The following DCC variants were observed in gnomAD, a reference collection of about 807,000 sequenced individuals.
The protein encoded by DCC is DCC netrin 1 receptor, also known as netrin receptor DCC.
A neutral mutation model predicts 172.5 loss-of-function variants in DCC; 58 were observed. That is an observed-to-expected ratio of 0.34 (90% CI 0.27 to 0.42). The LOEUF is 0.42. Ranked by LOEUF, DCC falls within the 10% of genes least tolerant of loss-of-function variation. DCC has a pLI of 1.00. For synonymous variants in DCC, 709 were observed against 644.5 expected (o/e 1.10, Z -1.52); for missense variants, 1,740 against 1,791.0 (o/e 0.97, Z 0.51).
intron 1 of DCC, among the ~76,000 whole-genome samples, chr18:52,349,104 A>G (rs1290397979): frequency 1.3e-5 from 2 of 152,354 alleles, no homozygotes; most frequent in East Asian, 3.9e-4. Context: ...GGTAAAATAC[A>G]TAGGCCCAAT....
intron 1 of DCC, among the ~76,000 whole-genome samples, chr18:52,688,353 G>T (rs2035875307): frequency 6.6e-6 from 1 of 152,080 alleles, no homozygotes; most frequent in African/African-American, 2.4e-5. Flanking sequence ...CAAGAATATG[G>T]AAGCTTGGAG....
intron 21 of DCC, among the ~76,000 whole-genome samples, chr18:53,430,775 AT>A (rs977609358): frequency 2.3e-4 from 35 of 152,132 alleles, no homozygotes; most frequent in Non-Finnish European, 1.8e-4. Context: ...TTGAGAACAC[AT>A]TTTTGCACAT....
At chr18:52,962,930 G>A (rs909450069) in intron 5 of DCC, among the ~76,000 whole-genome samples, 4 of 133,402 alleles carry the variant, frequency 3.0e-5, no homozygotes, top group Admixed American at 8.5e-5. Flanking sequence ...ACAGGAAGGG[G>A]AACATCACAC....
chr18:52,401,066 C>A (rs1301787574), intron 1 of DCC, among the ~76,000 whole-genome samples: 1 of 151,918 alleles, frequency 6.6e-6, no homozygotes, highest in Non-Finnish European at 1.5e-5. Flanking sequence ...AACAAACCTG[C>A]ACGTTCTGCA....
intron 2 of DCC, among the ~76,000 whole-genome samples, chr18:52,777,770 G>GGGA (rs369140038): frequency 7.2e-6 from 1 of 138,698 alleles, no homozygotes. Flanking sequence ...GATCTCCAGG[G>GGGA]AAAAAAAAAG....
intron 1 of DCC, among the ~76,000 whole-genome samples, chr18:52,602,984 A>G (rs2034049962): frequency 6.6e-6 from 1 of 152,126 alleles, no homozygotes; most frequent in African/African-American, 2.4e-5. Flanking sequence ...CAGTACAAAA[A>G]GACACATTTA....
chr18:53,217,416 G>C (rs1449317182), intron 12 of DCC, among the ~76,000 whole-genome samples: 1 of 151,728 alleles, frequency 6.6e-6, no homozygotes, highest in Non-Finnish European at 1.5e-5. Context: ...TCCTCTTGTA[G>C]TTGATATCTG....
intron 13 of DCC, among the ~76,000 whole-genome samples, chr18:53,321,320 A>G (rs1409160058): frequency 6.6e-6 from 1 of 152,190 alleles, no homozygotes; most frequent in Non-Finnish European, 1.5e-5. Context: ...TTTATTTTAC[A>G]ATAATTTATC....
At chr18:52,346,394 G>A (rs755432356) in intron 1 of DCC, among the ~76,000 whole-genome samples, 1 of 152,152 alleles carries the variant, frequency 6.6e-6, no homozygotes, top group Non-Finnish European at 1.5e-5. Flanking sequence ...CTAAGATGGA[G>A]AAATACAGGT....
intron 11 of DCC, among the ~76,000 whole-genome samples, chr18:53,210,521 C>T (rs1598909562): frequency 6.6e-6 from 1 of 152,122 alleles, no homozygotes; most frequent in East Asian, 1.9e-4. Flanking sequence ...CCTCTGTTTT[C>T]TTCCTGAGTA....
chr18:53,221,465 G>A (rs1046377448), intron 12 of DCC, among the ~76,000 whole-genome samples: 1 of 152,088 alleles, frequency 6.6e-6, no homozygotes, highest in Middle Eastern at 3.2e-3. Context: ...AAAAGTGAAC[G>A]TTCTTTCACA....
intron 5 of DCC, among the ~76,000 whole-genome samples, chr18:52,972,091 A>T (rs1269939255): frequency 6.6e-6 from 1 of 152,220 alleles, no homozygotes; most frequent in Non-Finnish European, 1.5e-5. Context: ...GTGAAGAGAA[A>T]GGCAATATAT....
intron 26 of DCC, among the ~76,000 whole-genome samples, chr18:53,495,486 G>C (rs902521904): frequency 6.6e-6 from 1 of 151,810 alleles, no homozygotes. Context: ...CGAGAGATCC[G>C]CTGATAGTCT....
At chr18:52,712,288 G>A (rs1482197139) in intron 1 of DCC, among the ~76,000 whole-genome samples, 3 of 152,070 alleles carry the variant, frequency 2.0e-5, no homozygotes, top group African/African-American at 7.2e-5. Context: ...AAATGAGCCT[G>A]TTAGGTAACA....
At chr18:52,845,499 C>G (rs1204521908) in intron 2 of DCC, among the ~76,000 whole-genome samples, 3 of 152,154 alleles carry the variant, frequency 2.0e-5, no homozygotes. Context: ...ACAACCAGAT[C>G]TCTTAGGAAA....
chr18:52,844,845 A>G (rs1259437897), intron 2 of DCC, among the ~76,000 whole-genome samples: 1 of 152,176 alleles, frequency 6.6e-6, no homozygotes, highest in African/African-American at 2.4e-5. Flanking sequence ...TGAAGATCTG[A>G]TTTTGACCAT....
intron 2 of DCC, among the ~76,000 whole-genome samples, chr18:52,765,631 C>T (rs1251115461): frequency 6.6e-6 from 1 of 152,128 alleles, no homozygotes; most frequent in African/African-American, 2.4e-5. Context: ...TGTATCTTTA[C>T]AAGGCTCCTA....
At chr18:52,691,882 G>T (rs1599022690) in intron 1 of DCC, among the ~76,000 whole-genome samples, 1 of 152,082 alleles carries the variant, frequency 6.6e-6, no homozygotes, top group Non-Finnish European at 1.5e-5. Flanking sequence ...AAACCTCTTT[G>T]CTTATAACTG....
chr18:53,248,103 G>A (rs1411576694), intron 12 of DCC, among the ~76,000 whole-genome samples: 1 of 151,964 alleles, frequency 6.6e-6, no homozygotes, highest in Non-Finnish European at 1.5e-5. Flanking sequence ...GGTTAATGTT[G>A]GGTGTTCCAT....
Sources: gnomAD v4.1 joint callset for allele counts (sites outside exome capture counted in the v4.1 genomes callset) on GRCh38, gnomAD v4.1.1 for gene constraint, MANE v1.5 for transcripts, NCBI Gene and HGNC (gene_info 2026-07-23, HGNC 2026-07-21) for gene names.